Variants in SPAG16 observed in about 807,000 individuals in gnomAD.
SPAG16 encodes the protein sperm associated antigen 16, also known as sperm-associated antigen 16 protein.
Under a neutral mutation model 80.4 loss-of-function variants are expected in SPAG16, and 86 were observed. The observed-to-expected ratio is 1.07, with a 90% confidence interval of 0.90 to 1.28. SPAG16 has a LOEUF of 1.28. SPAG16 is among the 50% of genes most tolerant of loss of function. SPAG16 has a pLI of 0.00. For synonymous variants in SPAG16, 294 were observed against 265.9 expected, an observed-to-expected ratio of 1.11 and a Z score of -1.03; for missense variants, 870 against 765.3, an observed-to-expected ratio of 1.14 and a Z score of -1.61.
At chr2:214,271,542 T>C (rs1457252009) in intron 15 of SPAG16, among the ~76,000 whole-genome samples, 1 of 152,244 alleles carries the variant, frequency 6.6e-6, no homozygotes, top group African/African-American at 2.4e-5. Flanking sequence ...GGCTCATGCC[T>C]GTAACTCCAG....
intron 15 of SPAG16, among the ~76,000 whole-genome samples, chr2:214,312,875 TTATC>T (rs1316897479): frequency 6.6e-6 from 1 of 152,142 alleles, no homozygotes; most frequent in African/African-American, 2.4e-5. Flanking sequence ...TTGAAGCAGA[TTATC>T]TAAGCTCATT....
At chr2:213,861,494 A>G (rs1277586210) in intron 10 of SPAG16, among the ~76,000 whole-genome samples, 1 of 152,154 alleles carries the variant, frequency 6.6e-6, no homozygotes. Context: ...TTAAATCATC[A>G]TATGTCTTAC....
chr2:213,857,310 A>C (rs2372269), intron 10 of SPAG16, among the ~76,000 whole-genome samples: 52,077 of 151,824 alleles, frequency 0.34, 9,326 homozygotes, highest in South Asian at 0.47. Flanking sequence ...AGGTAAAGTC[A>C]ATGCTTGGCT....
intron 15 of SPAG16, among the ~76,000 whole-genome samples, chr2:214,304,798 G>A (rs1694801157): frequency 1.3e-5 from 2 of 152,102 alleles, no homozygotes; most frequent in Non-Finnish European, 2.9e-5. Flanking sequence ...TTAGGTTGAT[G>A]CCATGTCTTT....
intron 10 of SPAG16, among the ~76,000 whole-genome samples, chr2:213,710,510 ATATAT>A (rs1442526579): frequency 1.3e-5 from 2 of 152,308 alleles, no homozygotes; most frequent in African/African-American, 4.8e-5. Context: ...ATTCAAAAAC[ATATAT>A]TAGGATGGGA....
At chr2:214,030,745 C>A (rs775401356) in intron 13 of SPAG16, among the ~76,000 whole-genome samples, 75 of 152,186 alleles carry the variant, frequency 4.9e-4, no homozygotes, top group Non-Finnish European at 6.5e-4. Flanking sequence ...TACCTCTCCC[C>A]CTAACCTCAC....
chr2:213,372,634 AT>A (rs1171891136), intron 8 of SPAG16, among the ~76,000 whole-genome samples: 1 of 152,074 alleles, frequency 6.6e-6, no homozygotes, highest in Non-Finnish European at 1.5e-5. Flanking sequence ...CTTTTTCTGA[AT>A]TCTAATTACA....
chr2:213,899,838 C>A (rs940991046), intron 11 of SPAG16, among the ~76,000 whole-genome samples: 2 of 151,962 alleles, frequency 1.3e-5, no homozygotes, highest in African/African-American at 4.8e-5. Context: ...TCTATTTTTA[C>A]CTTCCAAATG....
chr2:214,275,121 T>C (rs912627936), intron 15 of SPAG16, among the ~76,000 whole-genome samples: 4 of 152,242 alleles, frequency 2.6e-5, no homozygotes, highest in Non-Finnish European at 4.4e-5. Flanking sequence ...TAGTTTGTAT[T>C]TCTGTGGGAT....
chr2:213,543,191 A>G (rs1422190588), intron 10 of SPAG16, among the ~76,000 whole-genome samples: 1 of 152,070 alleles, frequency 6.6e-6, no homozygotes, highest in Non-Finnish European at 1.5e-5. Context: ...TCGATGAGCT[A>G]AAGAGCCCCT....
intron 14 of SPAG16, among the ~76,000 whole-genome samples, chr2:214,117,603 T>G (rs530548318): frequency 1.3e-5 from 2 of 152,102 alleles, no homozygotes; most frequent in African/African-American, 4.8e-5. Flanking sequence ...GCAAAAACTC[T>G]CAAGAAAACA....
Position 213,353,645 on chromosome 2 carries a change from G to C in SPAG16, c.762+3000G>C, listed in dbSNP as rs566599480. Among the ~76,000 whole-genome samples the C allele has an allele frequency of 4.6e-5, 7 of 152,240 alleles. No individual in the cohort carries two copies. In the South Asian group the frequency reaches 8.3e-4, roughly 18 times the overall value. ...TTGCATTTTTCACTTGGTAGATAAA[G>C]TAGGACTCATGTCTGACCTGTTGTT... is the stretch of plus-strand genomic sequence containing the variant. On this transcript the variant is annotated intron_variant, in intron 7 of 15. Transcript: ENST00000331683.
intron 5 of SPAG16, among the ~76,000 whole-genome samples, chr2:213,331,547 TCAA>T (rs2064108557): frequency 6.6e-6 from 1 of 152,100 alleles, no homozygotes; most frequent in South Asian, 2.1e-4. Context: ...AGACAGAAAA[TCAA>T]CAAACATCAG....
intron 15 of SPAG16, among the ~76,000 whole-genome samples, chr2:214,313,376 C>T (rs537385257): frequency 6.2e-4 from 94 of 152,186 alleles, no homozygotes; most frequent in Admixed American, 1.8e-3. Context: ...CTTTAATTTA[C>T]ATGTGTCAGA....
At chr2:213,424,370 T>C (rs975413139) in intron 9 of SPAG16, among the ~76,000 whole-genome samples, 8 of 152,202 alleles carry the variant, frequency 5.3e-5, no homozygotes, top group Non-Finnish European at 8.8e-5. Flanking sequence ...GAGATTTGAA[T>C]ATATATTTAA....
intron 13 of SPAG16, among the ~76,000 whole-genome samples, chr2:214,085,378 CAA>C (rs5838406): frequency 0.4 from 48,246 of 119,872 alleles, 8,311 homozygotes; most frequent in Non-Finnish European, 0.46. Context: ...GATTCCACCT[CAA>C]AAAAAAAAAA....
At chr2:213,447,143 A>G (rs966422831) in intron 9 of SPAG16, among the ~76,000 whole-genome samples, 8 of 152,314 alleles carry the variant, frequency 5.3e-5, no homozygotes, top group Admixed American at 2.0e-4. Context: ...CCAAAGGGCT[A>G]TTTTAAAAAA....
chr2:214,092,855 T>C (rs1046094179), intron 13 of SPAG16, among the ~76,000 whole-genome samples: 2 of 152,088 alleles, frequency 1.3e-5, no homozygotes, highest in Admixed American at 1.3e-4. Flanking sequence ...GCCTTTTCTA[T>C]GTACTCCTTG....
At chr2:213,602,388 C>T (rs1559298813) in intron 10 of SPAG16, among the ~76,000 whole-genome samples, 1 of 152,100 alleles carries the variant, frequency 6.6e-6, no homozygotes, top group Admixed American at 6.5e-5. Context: ...AATCCCAGCC[C>T]GTTGGGAGGC....
Sources: gnomAD v4.1 joint callset for allele counts (sites outside exome capture counted in the v4.1 genomes callset) on GRCh38, gnomAD v4.1.1 for gene constraint, MANE v1.5 for transcripts, NCBI Gene and HGNC (gene_info 2026-07-23, HGNC 2026-07-21) for gene names.